CLIC5: variants seen among roughly 807,000 people sequenced by gnomAD.
CLIC5 encodes CLIC family member 5.
CLIC5 carries 20 observed loss-of-function variants against 24.7 expected under a neutral mutation model. The observed-to-expected ratio is 0.81, with a 90% confidence interval of 0.57 to 1.18. The LOEUF (loss-of-function observed/expected upper bound fraction) is 1.18. Ranked by LOEUF, CLIC5 falls within the 50% of genes most tolerant of loss-of-function variation. The pLI is 0.00. For missense variants in CLIC5, 341 were observed against 326.1 expected (o/e 1.05, Z -0.35); for synonymous variants, 159 against 135.6 (o/e 1.17, Z -1.20).
upstream of CLIC5, chr6:46,015,861 G>A (rs1354047312): frequency 2.8e-6 from 3 of 1,088,722 alleles, no homozygotes; most frequent in Non-Finnish European, 3.3e-6. Context: ...GACTGTCAGC[G>A]ATCCCGCCGC....
intron 5 of CLIC5, among the ~76,000 whole-genome samples, chr6:45,905,250 T>C (rs1041381558): frequency 2.0e-5 from 3 of 152,238 alleles, no homozygotes; most frequent in Non-Finnish European, 4.4e-5. Context: ...TAACCAGTAA[T>C]GGGATTGCTT....
At chr6:45,989,832 A>G (rs1014240348) in intron 1 of CLIC5, among the ~76,000 whole-genome samples, 1 of 152,146 alleles carries the variant, frequency 6.6e-6, no homozygotes, top group Non-Finnish European at 1.5e-5. Context: ...GAGGAACTTC[A>G]CCATCAGGAC....
chr6:45,886,790 C>A (rs1357071847), intron 6 of CLIC5, among the ~76,000 whole-genome samples: 1 of 152,174 alleles, frequency 6.6e-6, no homozygotes, highest in Non-Finnish European at 1.5e-5. Context: ...GCCCAAGGAG[C>A]AAAGGAAAAC....
At chr6:45,926,246 T>A (rs2396576) in intron 4 of CLIC5, among the ~76,000 whole-genome samples, 34,991 of 138,378 alleles carry the variant, frequency 0.25, 4,593 homozygotes, top group East Asian at 0.44. Context: ...TATATATATT[T>A]TATTTTTTTT....
intron 1 of CLIC5, among the ~76,000 whole-genome samples, chr6:46,079,429 G>C (rs1463600699): frequency 6.6e-6 from 1 of 152,178 alleles, no homozygotes; most frequent in Non-Finnish European, 1.5e-5. Flanking sequence ...AGCAGTTATG[G>C]CTCACTTATG....
At chr6:45,941,885 G>T (rs574774734) in intron 3 of CLIC5, among the ~76,000 whole-genome samples, 1 of 152,282 alleles carries the variant, frequency 6.6e-6, no homozygotes, top group South Asian at 2.1e-4. Flanking sequence ...GACACAGTCT[G>T]CTAGGCAAAG....
intron 4 of CLIC5, among the ~76,000 whole-genome samples, chr6:45,922,170 G>A (rs977783451): frequency 6.6e-6 from 1 of 152,244 alleles, no homozygotes; most frequent in Non-Finnish European, 1.5e-5. Context: ...TTCAGCCTCA[G>A]AGGGGAGGAT....
At position 46,005,582 on chromosome 6, in the gene CLIC5, C is replaced by T. The variant is rs547612837; in HGVS notation, c.63+9898G>A. Among the ~76,000 whole-genome samples the T allele has an allele frequency of 1.2e-4, 19 of 152,294 alleles. No individual in the cohort carries two copies. In the South Asian group the frequency reaches 3.7e-3, roughly 30 times the overall value. On this transcript the variant is annotated intron_variant, in intron 1 of 5. Transcript: ENST00000339561. ...ACAAAAGTCTGGATCCCCCAGCTTG[C>T]CATCAGAGATGCTTCATGATCTGAT...
chr6:46,039,346 A>T (rs1348408781), intron 1 of CLIC5, among the ~76,000 whole-genome samples: 2 of 151,746 alleles, frequency 1.3e-5, no homozygotes, highest in Non-Finnish European at 1.5e-5. Context: ...GAGACAATAG[A>T]TATTTCCAAA....
At chr6:45,935,927 C>A (rs888412017) in intron 4 of CLIC5, among the ~76,000 whole-genome samples, 2 of 151,832 alleles carry the variant, frequency 1.3e-5, no homozygotes, top group Non-Finnish European at 2.9e-5. Context: ...ACAGATCACT[C>A]TTTTAAAACA....
At chr6:45,954,927 A>G (rs148497595) in intron 2 of CLIC5, among the ~76,000 whole-genome samples, 105 of 152,274 alleles carry the variant, frequency 6.9e-4, no homozygotes, top group Middle Eastern at 3.4e-3. Flanking sequence ...GTAACTTGCT[A>G]ATCGGGTCAG....
chr6:45,982,960 T>C (rs1195647158), intron 1 of CLIC5, among the ~76,000 whole-genome samples: 4 of 152,172 alleles, frequency 2.6e-5, no homozygotes, highest in Non-Finnish European at 4.4e-5. Context: ...TAAGCCTTGG[T>C]AAAAGGTGAG....
At chr6:45,950,895 C>T (rs1764448807) in intron 2 of CLIC5, among the ~76,000 whole-genome samples, 1 of 152,102 alleles carries the variant, frequency 6.6e-6, no homozygotes, top group Non-Finnish European at 1.5e-5. Flanking sequence ...TTCTGTTCAA[C>T]ATACATAAAT....
intron 1 of CLIC5, among the ~76,000 whole-genome samples, chr6:45,974,301 G>A (rs1765304916): frequency 6.6e-6 from 1 of 151,718 alleles, no homozygotes. Context: ...GACAGCAAGA[G>A]TCAAATGAGA....
intron 1 of CLIC5, among the ~76,000 whole-genome samples, chr6:46,059,226 A>G (rs1463931754): frequency 1.3e-5 from 2 of 152,216 alleles, no homozygotes; most frequent in African/African-American, 2.4e-5. Context: ...ACTTGCCTCT[A>G]TCCTTCTGGA....
At chr6:45,973,234 G>C (rs1765263102) in intron 1 of CLIC5, among the ~76,000 whole-genome samples, 1 of 152,140 alleles carries the variant, frequency 6.6e-6, no homozygotes, top group Non-Finnish European at 1.5e-5. Flanking sequence ...ACCTCCAGGG[G>C]TTAAGTTATG....
chr6:45,936,875 G>C (rs79823521), intron 4 of CLIC5, among the ~76,000 whole-genome samples: 3,205 of 152,192 alleles, frequency 0.021, 123 homozygotes, highest in African/African-American at 0.074. Flanking sequence ...TCTTGCCACC[G>C]AGTCATGAGA....
At chr6:46,065,582 C>T (rs1406066659) in intron 1 of CLIC5, among the ~76,000 whole-genome samples, 1 of 152,056 alleles carries the variant, frequency 6.6e-6, no homozygotes. Context: ...TGGAATACAA[C>T]TCAGTAATAA....
intron 6 of CLIC5, among the ~76,000 whole-genome samples, chr6:45,887,845 G>A (rs1440742006): frequency 2.0e-5 from 3 of 152,206 alleles, no homozygotes; most frequent in Non-Finnish European, 4.4e-5. Flanking sequence ...CCTAAGGACA[G>A]GGAAGCCTCT....
Sources: gnomAD v4.1 joint callset for allele counts (sites outside exome capture counted in the v4.1 genomes callset) on GRCh38, gnomAD v4.1.1 for gene constraint, MANE v1.5 for transcripts, NCBI Gene and HGNC (gene_info 2026-07-23, HGNC 2026-07-21) for gene names.